The following GNA14 variants were observed in gnomAD, a reference collection of about 807,000 sequenced individuals.
GNA14 encodes G protein subunit alpha 14.
In GNA14, 50 loss-of-function variants were observed where a neutral mutation model predicts 42.0. The observed-to-expected ratio is 1.19, with a 90% CI of 0.95 to 1.51. GNA14 has a LOEUF of 1.51. GNA14 is among the 40% of genes most tolerant of loss of function. GNA14 has a pLI of 0.00. For missense variants in GNA14, 473 were observed against 446.2 expected (o/e 1.06, Z -0.54); for synonymous variants, 173 against 163.1 (o/e 1.06, Z -0.46).
At chr9:77,443,311 A>G (rs1297090518) in intron 2 of GNA14, among the ~76,000 whole-genome samples, 2 of 152,212 alleles carry the variant, frequency 1.3e-5, no homozygotes, top group Non-Finnish European at 2.9e-5. Context: ...TTTAATTACT[A>G]AGACTTCACG....
At chr9:77,430,010 G>A (rs1835518874) in intron 4 of GNA14, among the ~76,000 whole-genome samples, 1 of 152,050 alleles carries the variant, frequency 6.6e-6, no homozygotes, top group Non-Finnish European at 1.5e-5. Flanking sequence ...CAGAACTGTT[G>A]TCTGGAAAAG....
In GNA14 at chr9:77,425,135, C is replaced by T. The variant is rs574269337; in HGVS notation, c.877+427G>A. ...AGCAGAGTCTCTACCCTCATGGAGC[C>T]GACTGGGAAGAGAGCTGAGTGAGCA... is the stretch of plus-strand genomic sequence containing the variant. On this transcript the variant is annotated intron_variant, in intron 6 of 6. Transcript: ENST00000341700. Among the ~76,000 whole-genome samples, 12 of 152,078 alleles carry T rather than the reference C, an allele frequency of 7.9e-5. No individual in the cohort carries two copies. In the South Asian group the frequency reaches 8.3e-4, roughly 11 times the overall value.
At chr9:77,558,515 C>T (rs374725721) in intron 1 of GNA14, among the ~76,000 whole-genome samples, 1 of 152,076 alleles carries the variant, frequency 6.6e-6, no homozygotes, top group African/African-American at 2.4e-5. Flanking sequence ...CTCAGACACC[C>T]CATATGACAC....
intron 1 of GNA14, among the ~76,000 whole-genome samples, chr9:77,554,355 A>C (rs7862729): frequency 9.9e-4 from 151 of 152,356 alleles, no homozygotes; most frequent in African/African-American, 3.5e-3. Context: ...ATTTATGCAC[A>C]AGAAAGTAAA....
intron 2 of GNA14, among the ~76,000 whole-genome samples, chr9:77,505,222 C>T: frequency 6.6e-6 from 1 of 152,176 alleles, no homozygotes; most frequent in South Asian, 2.1e-4. Flanking sequence ...TAATACAGCA[C>T]TTTTGAAAGC....
chr9:77,632,220 C>A (rs1824110302), intron 1 of GNA14, among the ~76,000 whole-genome samples: 1 of 152,184 alleles, frequency 6.6e-6, no homozygotes, highest in Non-Finnish European at 1.5e-5. Flanking sequence ...AAGGGGGGCA[C>A]TGAGGGAAGC....
intron 5 of GNA14, 133 bp from the exon 6 acceptor site, chr9:77,425,848 G>T: frequency 1.4e-6 from 1 of 710,020 alleles, no homozygotes; most frequent in Non-Finnish European, 2.3e-6. Flanking sequence ...TGAAGCTGGT[G>T]AGCATGTGGG....
At chr9:77,494,583 A>G (rs887894503) in intron 2 of GNA14, among the ~76,000 whole-genome samples, 1 of 152,212 alleles carries the variant, frequency 6.6e-6, no homozygotes. Flanking sequence ...TGTATTTCTT[A>G]TACATATTTG....
intron 1 of GNA14, among the ~76,000 whole-genome samples, chr9:77,618,636 T>TA (rs1564067908): frequency 3.9e-5 from 2 of 51,828 alleles, no homozygotes; most frequent in Non-Finnish European, 6.9e-5. Flanking sequence ...TTTTTTTTTT[T>TA]TTTTTTTTTT....
At chr9:77,502,109 T>C (rs1836986288) in intron 2 of GNA14, among the ~76,000 whole-genome samples, 1 of 152,230 alleles carries the variant, frequency 6.6e-6, no homozygotes, top group Admixed American at 6.5e-5. Context: ...GTTTTGGTTA[T>C]ATTTTTTAAT....
intron 2 of GNA14, among the ~76,000 whole-genome samples, chr9:77,463,149 T>C (rs781465620): frequency 6.6e-6 from 1 of 152,126 alleles, no homozygotes. Context: ...TGCATCCCCA[T>C]TGGATTTCAG....
chr9:77,502,206 T>C (rs1421460068), intron 2 of GNA14, among the ~76,000 whole-genome samples: 1 of 152,218 alleles, frequency 6.6e-6, no homozygotes, highest in Non-Finnish European at 1.5e-5. Flanking sequence ...TTATAATTGC[T>C]CATTGAAACA....
At chr9:77,453,287 C>G (rs1835947096) in intron 2 of GNA14, among the ~76,000 whole-genome samples, 1 of 152,170 alleles carries the variant, frequency 6.6e-6, no homozygotes, top group Non-Finnish European at 1.5e-5. Context: ...TAGACTTCTG[C>G]AGACTTCCCA....
At chr9:77,443,661 C>A (rs10781437) in intron 2 of GNA14, among the ~76,000 whole-genome samples, 73,842 of 152,074 alleles carry the variant, frequency 0.49, 18,185 homozygotes, top group African/African-American at 0.57. Context: ...GGGCCAAGTT[C>A]GTTACTTTAT....
chr9:77,424,417 T>A (rs7867261), intron 6 of GNA14, among the ~76,000 whole-genome samples: 3,864 of 152,172 alleles, frequency 0.025, 159 homozygotes, highest in East Asian at 0.19. Context: ...GAAACGGGGT[T>A]TTACCATGTT....
chr9:77,647,611 C>T (rs993842292), intron 1 of GNA14, 59 bp downstream of exon 1: 1 of 1,565,712 alleles, frequency 6.4e-7, no homozygotes, highest in Non-Finnish European at 8.7e-7. Context: ...AGTGGAGAGG[C>T]CGGGAGGGCT....
At chr9:77,497,535 T>C (rs1461937681) in intron 2 of GNA14, among the ~76,000 whole-genome samples, 1 of 152,166 alleles carries the variant, frequency 6.6e-6, no homozygotes, top group African/African-American at 2.4e-5. Context: ...CTTGGCACCT[T>C]GAGCTGACCA....
intron 1 of GNA14, among the ~76,000 whole-genome samples, chr9:77,642,744 G>A (rs909998278): frequency 2.0e-5 from 3 of 152,176 alleles, no homozygotes; most frequent in Non-Finnish European, 4.4e-5. Context: ...ACTCCAGCCT[G>A]AGCAACAGAG....
chr9:77,579,205 T>G (rs1823176805), intron 1 of GNA14, among the ~76,000 whole-genome samples: 1 of 152,282 alleles, frequency 6.6e-6, no homozygotes, highest in South Asian at 2.1e-4. Flanking sequence ...TAAGGGGCCT[T>G]CACTCTAAGG....
Sources: gnomAD v4.1 joint callset for allele counts (sites outside exome capture counted in the v4.1 genomes callset) on GRCh38, gnomAD v4.1.1 for gene constraint, MANE v1.5 for transcripts, NCBI Gene and HGNC (gene_info 2026-07-23, HGNC 2026-07-21) for gene names.